The following KCNMA1 variants were observed in gnomAD, a reference collection of about 807,000 sequenced individuals.
KCNMA1 encodes Calcium-activated potassium channel subunit alpha-1.
KCNMA1 carries 29 observed loss-of-function variants against 140.0 expected under a neutral mutation model. That is an observed-to-expected ratio of 0.21 (90% confidence interval 0.15 to 0.28). KCNMA1 has a LOEUF of 0.28. Among genes scored for constraint, KCNMA1 ranks in the 10% least tolerant of loss-of-function variants. KCNMA1 has a pLI of 1.00. For missense variants in KCNMA1, 880 were observed against 1,602.2 expected (o/e 0.55, Z 7.70); for synonymous variants, 612 against 611.9 (o/e 1.00, Z 0.00).
At chr10:77,411,018 T>A (rs1343291388) in intron 1 of KCNMA1, among the ~76,000 whole-genome samples, 1 of 152,222 alleles carries the variant, frequency 6.6e-6, no homozygotes, top group Non-Finnish European at 1.5e-5. Flanking sequence ...GTTTGTTTTG[T>A]TTTAGACAGA....
At chr10:77,009,640 C>T (rs1004028675) in intron 18 of KCNMA1, among the ~76,000 whole-genome samples, 25 of 152,142 alleles carry the variant, frequency 1.6e-4, no homozygotes, top group African/African-American at 4.6e-4. Flanking sequence ...CTTCTTACCA[C>T]GTCCCCTGTC....
In KCNMA1 at chr10:77,019,030, A is replaced by G. The variant is rs2092520397; in HGVS notation, c.1998T>C (p.Asp666=). The change falls in exon 17 of 28, where the codon GAT becomes GAC. Residue 666 remains aspartate, a synonymous_variant. Coordinates refer to ENST00000286628, the MANE Select transcript of KCNMA1 (RefSeq NM_001161352.2). ...EGTLGFFIAS[D]AKEVKRAFFY... Reference sequence around the variant, plus strand: ...ACTCTTACCTTTTAACTTCTTTGGCATCACTTGCGATGAAAAATCCTAAAG... The same window carrying G: ...ACTCTTACCTTTTAACTTCTTTGGCGTCACTTGCGATGAAAAATCCTAAAG... 6.3e-7 allele frequency: 1 copy of G among 1,587,700 alleles called. No individual in the cohort carries two copies. Among genetic ancestry groups the G allele is most frequent in the East Asian group, 2.2e-5 (1 of 44,672 alleles).
chr10:77,058,177 G>A (rs1425447104), intron 14 of KCNMA1, among the ~76,000 whole-genome samples: 1 of 151,810 alleles, frequency 6.6e-6, no homozygotes, highest in Non-Finnish European at 1.5e-5. Flanking sequence ...AAGGATATAG[G>A]GATAATATAT....
intron 3 of KCNMA1, among the ~76,000 whole-genome samples, chr10:77,188,237 A>G (rs2098897168): frequency 6.6e-6 from 1 of 152,234 alleles, no homozygotes; most frequent in South Asian, 2.1e-4. Context: ...CTGATGAGGC[A>G]TATCCACCTC....
chr10:77,409,296 T>C (rs2096567378), intron 1 of KCNMA1, among the ~76,000 whole-genome samples: 1 of 152,086 alleles, frequency 6.6e-6, no homozygotes. Context: ...ACCTTAGCAA[T>C]TCCTGAGGAT....
At chr10:77,364,442 C>T (rs2094206169) in intron 2 of KCNMA1, among the ~76,000 whole-genome samples, 1 of 151,440 alleles carries the variant, frequency 6.6e-6, no homozygotes, top group African/African-American at 2.4e-5. Context: ...CAGAGCAAAG[C>T]TCCATCTCAA....
At chr10:77,606,102 A>G (rs1309749951) in intron 1 of KCNMA1, among the ~76,000 whole-genome samples, 1 of 152,044 alleles carries the variant, frequency 6.6e-6, no homozygotes, top group African/African-American at 2.4e-5. Flanking sequence ...TCTGCCATCC[A>G]CCCTTGGTGC....
intron 18 of KCNMA1, among the ~76,000 whole-genome samples, chr10:77,006,008 A>T (rs1200809094): frequency 6.6e-6 from 1 of 152,188 alleles, no homozygotes; most frequent in African/African-American, 2.4e-5. Context: ...TCAAATGGAT[A>T]ATCAGCTGTC....
At chr10:76,996,608 C>G (rs943344554) in intron 19 of KCNMA1, among the ~76,000 whole-genome samples, 15 of 150,256 alleles carry the variant, frequency 1.0e-4, no homozygotes, top group Non-Finnish European at 1.9e-4. Context: ...GATATTGACA[C>G]AGAGAGAGAG....
chr10:77,420,499 C>T (rs2096843722), intron 1 of KCNMA1, among the ~76,000 whole-genome samples: 1 of 152,194 alleles, frequency 6.6e-6, no homozygotes, highest in Non-Finnish European at 1.5e-5. Context: ...GGTATCAGTC[C>T]CCTCAGATAT....
intron 20 of KCNMA1, among the ~76,000 whole-genome samples, chr10:76,967,159 G>T (rs1022647861): frequency 6.6e-6 from 1 of 152,188 alleles, no homozygotes; most frequent in Non-Finnish European, 1.5e-5. Flanking sequence ...GGGTTCTCCA[G>T]TTCCTCTTGG....
chr10:76,885,203 AGTT>A lies in KCNMA1; in HGVS notation c.*2060_*2062del. 2 of 679,586 alleles carry A rather than the reference AGTT, an allele frequency of 2.9e-6. No individual in the cohort carries two copies. The highest frequency in any genetic ancestry group is 3.7e-6 in the Non-Finnish European group (2 of 539,414). 42.1% of individuals were successfully genotyped at this position (679,586 alleles called of 1,614,324 possible). The stretch of plus-strand genomic sequence containing the variant: ...CCAATACTAGGGGATACATATATAT[AGTT>A]ATATATATAGTTATATATATATAAT... On this transcript the variant is annotated 3_prime_UTR_variant, in exon 28 of 28. Transcript: ENST00000286628.
chr10:77,509,674 G>T (rs2047641092), intron 1 of KCNMA1, among the ~76,000 whole-genome samples: 1 of 152,142 alleles, frequency 6.6e-6, no homozygotes, highest in African/African-American at 2.4e-5. Context: ...CAACTTTTTT[G>T]ATAATAGCCA....
chr10:77,221,570 C>T (rs891822558), intron 3 of KCNMA1, among the ~76,000 whole-genome samples: 1 of 152,124 alleles, frequency 6.6e-6, no homozygotes. Context: ...GATAAGTGCT[C>T]TAGGGGATGG....
At chr10:76,916,266 T>C (rs755822460) in intron 23 of KCNMA1, among the ~76,000 whole-genome samples, 1 of 152,188 alleles carries the variant, frequency 6.6e-6, no homozygotes, top group African/African-American at 2.4e-5. Flanking sequence ...GAAAGCAGCC[T>C]GCTTGGTCTC....
intron 1 of KCNMA1, among the ~76,000 whole-genome samples, chr10:77,442,347 C>T (rs921430050): frequency 6.6e-6 from 1 of 151,958 alleles, no homozygotes; most frequent in African/African-American, 2.4e-5. Context: ...CCCTTGCCAC[C>T]TAGACCCCCG....
intron 1 of KCNMA1, among the ~76,000 whole-genome samples, chr10:77,506,753 GGA>G (rs141918883): frequency 0.012 from 838 of 68,088 alleles, 34 homozygotes; most frequent in African/African-American, 0.045. Flanking sequence ...TGTTAGAGAG[GGA>G]GAGAGAGAGA....
At chr10:77,601,404 T>C (rs1268704751) in intron 1 of KCNMA1, among the ~76,000 whole-genome samples, 2 of 152,208 alleles carry the variant, frequency 1.3e-5, no homozygotes, top group Non-Finnish European at 2.9e-5. Flanking sequence ...CATTGACTAA[T>C]GTGTGATGTC....
chr10:76,936,016 C>T (rs1026006679), intron 23 of KCNMA1, among the ~76,000 whole-genome samples: 10 of 152,224 alleles, frequency 6.6e-5, no homozygotes, highest in African/African-American at 2.4e-4. Flanking sequence ...GCTAGGAATA[C>T]ATTACTAGAA....
Sources: gnomAD v4.1 joint callset for allele counts (sites outside exome capture counted in the v4.1 genomes callset) on GRCh38, gnomAD v4.1.1 for gene constraint, MANE v1.5 for transcripts, NCBI Gene and HGNC (gene_info 2026-07-23, HGNC 2026-07-21) for gene names.